The following RFX7 variants were observed in gnomAD, a reference collection of about 807,000 sequenced individuals.
The protein encoded by RFX7 is regulatory factor X7.
In RFX7, 26 loss-of-function variants were observed where a neutral mutation model predicts 111.8. That is an observed-to-expected ratio of 0.23 (90% CI 0.17 to 0.32). RFX7 has a LOEUF of 0.32. RFX7 is among the 10% of genes least tolerant of loss of function. The pLI, the probability that RFX7 is intolerant of heterozygous loss-of-function variation, is 1.00. For synonymous variants in RFX7, 624 were observed against 624.4 expected, an observed-to-expected ratio of 1.00 and a Z score of 0.01; for missense variants, 1,573 against 1,772.9, an observed-to-expected ratio of 0.89 and a Z score of 2.02.
chr15:56,209,386 A>G (rs943688170), intron 2 of RFX7, among the ~76,000 whole-genome samples: 26 of 152,066 alleles, frequency 1.7e-4, no homozygotes. Flanking sequence ...AATCGAGGGA[A>G]TTTGTTGCCA....
intron 2 of RFX7, among the ~76,000 whole-genome samples, chr15:56,216,819 CTTCT>C (rs2043366923): frequency 6.6e-6 from 1 of 151,982 alleles, no homozygotes; most frequent in South Asian, 2.1e-4. Context: ...GTCATGATTT[CTTCT>C]TTCTTTTTTA....
intron 5 of RFX7, 68 bp from the exon 6 acceptor site, chr15:56,103,738 A>G (rs572003758): frequency 6.1e-5 from 54 of 887,782 alleles, no homozygotes; most frequent in African/African-American, 5.0e-4. Context: ...TGCTATTTCA[A>G]TACAATTTGA....
intron 5 of RFX7, among the ~76,000 whole-genome samples, chr15:56,134,247 G>T (rs1156995267): frequency 6.6e-6 from 1 of 152,088 alleles, no homozygotes; most frequent in African/African-American, 2.4e-5. Flanking sequence ...ATAAAAAGAG[G>T]ATAGGAACAT....
At chr15:56,145,971 C>T (rs1206140590) in intron 3 of RFX7, among the ~76,000 whole-genome samples, 14 of 152,192 alleles carry the variant, frequency 9.2e-5, no homozygotes, top group African/African-American at 3.4e-4. Context: ...AACACACCAC[C>T]ACCACAGTTC....
At chr15:56,221,993 T>A (rs1206971894) in intron 2 of RFX7, among the ~76,000 whole-genome samples, 2 of 152,234 alleles carry the variant, frequency 1.3e-5, no homozygotes, top group African/African-American at 2.4e-5. Context: ...TCTGAGTTTC[T>A]GACTGGCATC....
chr15:56,134,493 A>G (rs1053884786), intron 5 of RFX7, among the ~76,000 whole-genome samples: 2 of 151,980 alleles, frequency 1.3e-5, no homozygotes, highest in African/African-American at 2.4e-5. Flanking sequence ...ATTCTCTCCA[A>G]TTCCATGAAC....
intron 2 of RFX7, among the ~76,000 whole-genome samples, chr15:56,194,970 A>G (rs1206269418): frequency 6.6e-6 from 1 of 152,214 alleles, no homozygotes; most frequent in Non-Finnish European, 1.5e-5. Context: ...TGTTCATAGC[A>G]GCACTGTTCA....
At chr15:56,151,390 G>C (rs1012556874) in intron 3 of RFX7, among the ~76,000 whole-genome samples, 10 of 152,220 alleles carry the variant, frequency 6.6e-5, no homozygotes, top group Non-Finnish European at 1.0e-4. Context: ...CCAGAAGAGA[G>C]TGGGAGCCAA....
chr15:56,243,014 C>G lies in RFX7; in HGVS notation c.161+111G>C, dbSNP rs531410483. 6.2e-5 allele frequency: 47 copies of G among 762,650 alleles called. 1 individual carries two copies. In the Middle Eastern group the frequency reaches 2.2e-3, roughly 36 times the overall value. 47.2% of individuals were successfully genotyped at this position (762,650 alleles called of 1,614,324 possible). A position where few individuals can be genotyped will look rare whatever the true frequency, so the allele number is the denominator to read the frequency against. On this transcript the variant is annotated intron_variant, in intron 2 of 9. Coordinates refer to ENST00000559447, the MANE Select transcript of RFX7 (RefSeq NM_022841.7). ...GCACCCGACTGGGGAAAGCCACATTCAATGAATGCATCAGCCTCCTCCTCC... is the reference window on the plus strand; with the variant it reads ...GCACCCGACTGGGGAAAGCCACATTGAATGAATGCATCAGCCTCCTCCTCC...
rs193120857 is a variant in RFX7, at chr15:56,098,749, C to T, written c.812-373G>A. Among the ~76,000 whole-genome samples the T allele has an allele frequency of 3.9e-5, 6 of 152,312 alleles. No individual in the cohort carries two copies. The East Asian group carries it at 9.6e-4, about 24-fold the overall frequency. On this transcript the variant is annotated intron_variant, in intron 8 of 9. Transcript: ENST00000559447. The stretch of plus-strand genomic sequence containing the variant: ...AAAGGTCAGTAAATTTCCCTCCCCC[C>T]ATTTCTAATCAGAAATAAATACATG...
At chr15:56,222,974 G>A (rs942017560) in intron 2 of RFX7, among the ~76,000 whole-genome samples, 1 of 152,098 alleles carries the variant, frequency 6.6e-6, no homozygotes, top group Non-Finnish European at 1.5e-5. Context: ...ATTTTTAAAG[G>A]TTAGCTTTAT....
intron 2 of RFX7, among the ~76,000 whole-genome samples, chr15:56,213,532 G>A (rs900165979): frequency 2.0e-5 from 3 of 152,160 alleles, no homozygotes; most frequent in Non-Finnish European, 4.4e-5. Flanking sequence ...AGTTGAGGGT[G>A]AAAGGTAAGA....
rs1663230249 is a variant in RFX7 at position 56,090,257 on chromosome 15, A to C, written c.*3088T>G. ...CTAACATTTAAACACTATGTGAAAG[A>C]GAAAAAGATGGCTTTTTGGACAACA... On this transcript the variant is annotated 3_prime_UTR_variant, in exon 10 of 10. Transcript: ENST00000559447. 1 of 152,222 alleles carries C rather than the reference A, an allele frequency of 6.6e-6. No homozygotes were observed. Among genetic ancestry groups the C allele is most frequent in the Admixed American group, 6.5e-5 (1 of 15,280 alleles). 9.4% of individuals were successfully genotyped at this position (152,222 alleles called of 1,614,324 possible).
intron 7 of RFX7, 71 bp downstream of exon 7, chr15:56,102,098 T>C (rs2041761300): frequency 8.9e-7 from 1 of 1,124,820 alleles, no homozygotes; most frequent in Non-Finnish European, 1.3e-6. Flanking sequence ...AATGAGACTT[T>C]GCAGGATGCA....
At chr15:56,242,858 G>C (rs191617854) in intron 2 of RFX7, among the ~76,000 whole-genome samples, 1 of 152,252 alleles carries the variant, frequency 6.6e-6, no homozygotes, top group Admixed American at 6.5e-5. Flanking sequence ...GTTACAATGA[G>C]TGAAAAAATA....
chr15:56,228,822 G>T (rs1176195069), intron 2 of RFX7, among the ~76,000 whole-genome samples: 2 of 152,122 alleles, frequency 1.3e-5, no homozygotes, highest in Admixed American at 6.5e-5. Context: ...TGAAACCACA[G>T]ATGGTACAGA....
In RFX7 at chr15:56,087,969, C is replaced by T. The variant is rs2041548146; in HGVS notation, c.*5376G>A. The T allele has an allele frequency of 2.8e-6, 1 of 358,962 alleles. No homozygotes were observed. The highest frequency in any genetic ancestry group is 5.4e-6 in the Non-Finnish European group (1 of 185,338). 22.2% of individuals were successfully genotyped at this position (358,962 alleles called of 1,614,324 possible). A position where few individuals can be genotyped will look rare whatever the true frequency, so the allele number is the denominator to read the frequency against. Reference sequence around the variant, plus strand: ...AAAATTTTGTTTTTAAATCTTCATTCTCCTAATACATCAGGGTATTTCTAT... The same window carrying T: ...AAAATTTTGTTTTTAAATCTTCATTTTCCTAATACATCAGGGTATTTCTAT... On this transcript the variant is annotated 3_prime_UTR_variant, in exon 10 of 10. Transcript: ENST00000559447.
intron 3 of RFX7, among the ~76,000 whole-genome samples, chr15:56,168,875 A>T (rs1019251307): frequency 6.6e-6 from 1 of 152,192 alleles, no homozygotes; most frequent in Non-Finnish European, 1.5e-5. Context: ...ACACAACAAA[A>T]GATAACATAG....
Position 56,088,709 on chromosome 15 carries a change from TAA to T in RFX7, c.*4634_*4635del, listed in dbSNP as rs1424139781. ...AATCTGTACTTCAGATTTAACAAAA[TAA>T]AAAGTTTGGTCTTTTCTTATGCTGT... On this transcript the variant is annotated 3_prime_UTR_variant, in exon 10 of 10. Coordinates refer to ENST00000559447, the MANE Select transcript of RFX7 (RefSeq NM_022841.7). 5 of 152,276 alleles carry T rather than the reference TAA, an allele frequency of 3.3e-5. No homozygotes were observed. The highest frequency in any genetic ancestry group is 5.9e-5 in the Non-Finnish European group (4 of 67,998). 9.4% of individuals were successfully genotyped at this position (152,276 alleles called of 1,614,324 possible).
Sources: allele counts gnomAD v4.1 joint callset (sites outside exome capture counted in the v4.1 genomes callset), GRCh38; gene constraint gnomAD v4.1.1; transcripts MANE v1.5; gene names NCBI Gene and HGNC (gene_info 2026-07-23, HGNC 2026-07-21).